DAB1: variants seen among roughly 807,000 people sequenced by gnomAD.
The protein encoded by DAB1 is disabled homolog 1.
Under a neutral mutation model 64.6 loss-of-function variants are expected in DAB1, and 15 were observed. The observed-to-expected ratio is 0.23, with a 90% CI of 0.16 to 0.36. The LOEUF (loss-of-function observed/expected upper bound fraction) is 0.36, where lower values mean the gene tolerates loss of function less well. Ranked by LOEUF, DAB1 falls within the 10% of genes least tolerant of loss-of-function variation. DAB1 has a pLI of 1.00. For synonymous variants in DAB1, 235 were observed against 251.9 expected (o/e 0.93, Z 0.64); for missense variants, 596 against 706.7 (o/e 0.84, Z 1.78).
chr1:57,221,662 G>A (rs1270556485), intron 2 of DAB1, among the ~76,000 whole-genome samples: 2 of 152,136 alleles, frequency 1.3e-5, no homozygotes, highest in African/African-American at 2.4e-5. Flanking sequence ...ATAACATCAT[G>A]AGGATACTCA....
At chr1:57,143,817 C>T (rs1483801300) in intron 3 of DAB1, among the ~76,000 whole-genome samples, 3 of 150,282 alleles carry the variant, frequency 2.0e-5, no homozygotes, top group Admixed American at 1.3e-4. Context: ...CTTTTACACA[C>T]CTAACAAGCT....
intron 1 of DAB1, chr1:58,536,738 GC>G: frequency 1.2e-6 from 1 of 867,406 alleles, no homozygotes; most frequent in Non-Finnish European, 2.0e-6. Flanking sequence ...ATTTCCTTAT[GC>G]CCCTAAAGCA....
intron 4 of DAB1, among the ~76,000 whole-genome samples, chr1:58,170,845 G>A (rs991720642): frequency 2.2e-4 from 33 of 152,246 alleles, no homozygotes; most frequent in African/African-American, 6.3e-4. Flanking sequence ...GAGGATGCCC[G>A]GGGCAAGTGC....
intron 1 of DAB1, among the ~76,000 whole-genome samples, chr1:58,540,052 T>C (rs1646581883): frequency 6.6e-6 from 1 of 152,096 alleles, no homozygotes; most frequent in Non-Finnish European, 1.5e-5. Context: ...CTGAAAAGAT[T>C]GCAGGGAATA....
intron 2 of DAB1, among the ~76,000 whole-genome samples, chr1:57,265,905 T>G (rs943346927): frequency 6.6e-6 from 1 of 152,108 alleles, no homozygotes; most frequent in African/African-American, 2.4e-5. Flanking sequence ...TCTAGAAGCT[T>G]GAGATTAGAG....
At chr1:57,665,958 C>A (rs528740045) in intron 6 of DAB1, among the ~76,000 whole-genome samples, 1 of 151,492 alleles carries the variant, frequency 6.6e-6, no homozygotes, top group Non-Finnish European at 1.5e-5. Flanking sequence ...TGAAAACTCC[C>A]TTTATGAAAT....
intron 7 of DAB1, among the ~76,000 whole-genome samples, chr1:57,627,869 A>G (rs1297068721): frequency 6.6e-6 from 1 of 152,178 alleles, no homozygotes; most frequent in Non-Finnish European, 1.5e-5. Context: ...CTCTCTGTTC[A>G]AGTCTCAGTG....
intron 7 of DAB1, among the ~76,000 whole-genome samples, chr1:57,586,497 A>G (rs201370737): frequency 1.9e-5 from 2 of 108,102 alleles, no homozygotes; most frequent in African/African-American, 6.8e-5. Context: ...CTCTCTCTCT[A>G]TTTTTTTTCT....
In DAB1 at chr1:57,177,050, C is replaced by A. The variant is rs555819309; in HGVS notation, c.68-31621G>T. Among the ~76,000 whole-genome samples the A allele has an allele frequency of 4.0e-5, 6 of 151,580 alleles. No individual in the cohort carries two copies. In the East Asian group the frequency reaches 1.2e-3, roughly 29 times the overall value. On this transcript the variant is annotated intron_variant, in intron 2 of 14. Transcript: ENST00000371236. ...GGACATAAATTTGTAAATGTGTCCT[C>A]CCCTCTACCCACCAGCAGGGACAGA...
At chr1:57,952,721 G>C (rs1166355166) in intron 5 of DAB1, among the ~76,000 whole-genome samples, 1 of 152,074 alleles carries the variant, frequency 6.6e-6, no homozygotes, top group Non-Finnish European at 1.5e-5. Context: ...ATGGAAAAAA[G>C]CCAAGAAGAC....
intron 5 of DAB1, among the ~76,000 whole-genome samples, chr1:57,987,108 T>C (rs1310309264): frequency 6.6e-6 from 1 of 152,160 alleles, no homozygotes; most frequent in Non-Finnish European, 1.5e-5. Flanking sequence ...AAAAATATTT[T>C]TAAAATAGAA....
intron 5 of DAB1, among the ~76,000 whole-genome samples, chr1:57,965,240 T>A (rs889828746): frequency 6.6e-6 from 1 of 152,128 alleles, no homozygotes; most frequent in African/African-American, 2.4e-5. Context: ...CTGGAGAGAT[T>A]TATCTCATAG....
intron 4 of DAB1, among the ~76,000 whole-genome samples, chr1:58,327,308 G>C (rs908467227): frequency 6.6e-6 from 1 of 152,144 alleles, no homozygotes. Context: ...AGGAAGGAAG[G>C]AAGGAAGAGG....
chr1:57,106,944 A>C (rs1433033883), intron 4 of DAB1, among the ~76,000 whole-genome samples: 2 of 152,204 alleles, frequency 1.3e-5, no homozygotes, highest in Non-Finnish European at 2.9e-5. Flanking sequence ...GGTCTCAGGG[A>C]AAGTTCTATC....
intron 5 of DAB1, among the ~76,000 whole-genome samples, chr1:57,934,011 T>TCAGC (rs1364289909): frequency 6.6e-6 from 1 of 151,300 alleles, no homozygotes; most frequent in Non-Finnish European, 1.5e-5. Flanking sequence ...TTCTCCTGCC[T>TCAGC]CAGCCTCCTG....
intron 5 of DAB1, among the ~76,000 whole-genome samples, chr1:57,939,436 A>G (rs1645071904): frequency 6.6e-6 from 1 of 152,232 alleles, no homozygotes; most frequent in Non-Finnish European, 1.5e-5. Flanking sequence ...AGGTTTACTC[A>G]GCTTACCTCA....
At chr1:57,458,415 T>C (rs2101171905) in intron 7 of DAB1, among the ~76,000 whole-genome samples, 1 of 151,976 alleles carries the variant, frequency 6.6e-6, no homozygotes, top group East Asian at 1.9e-4. Context: ...TTATTGAATG[T>C]GTGATAGCAA....
intron 9 of DAB1, among the ~76,000 whole-genome samples, chr1:57,045,529 C>T (rs1648361616): frequency 6.6e-6 from 1 of 152,038 alleles, no homozygotes; most frequent in Admixed American, 6.6e-5. Flanking sequence ...GAAATTCTGT[C>T]TCTACTAAAA....
intron 2 of DAB1, among the ~76,000 whole-genome samples, chr1:57,263,362 T>TTGGGGG (rs1443321928): frequency 1.8e-4 from 27 of 152,114 alleles, no homozygotes; most frequent in African/African-American, 6.3e-4. Context: ...TCAGGTGATC[T>TTGGGGG]GCCCACTTTG....
Sources: gnomAD v4.1 joint callset for allele counts (sites outside exome capture counted in the v4.1 genomes callset) on GRCh38, gnomAD v4.1.1 for gene constraint, MANE v1.5 for transcripts, NCBI Gene and HGNC (gene_info 2026-07-23, HGNC 2026-07-21) for gene names.